Variants in CDYL2 observed in about 807,000 individuals in gnomAD.
The protein encoded by CDYL2 is chromodomain Y like 2, also known as chromodomain Y-like protein 2.
A neutral mutation model predicts 49.4 loss-of-function variants in CDYL2; 23 were observed. That is an observed-to-expected ratio of 0.47 (90% CI 0.34 to 0.66). The LOEUF (loss-of-function observed/expected upper bound fraction) is 0.66, where lower values mean the gene tolerates loss of function less well. Among genes scored for constraint, CDYL2 ranks in the 30% least tolerant of loss-of-function variants. CDYL2 has a pLI of 0.01. For missense variants in CDYL2, 678 were observed against 656.4 expected (o/e 1.03, Z -0.36); for synonymous variants, 360 against 268.8 (o/e 1.34, Z -3.32).
At chr16:80,623,862 A>G (rs1315698920) in intron 3 of CDYL2, among the ~76,000 whole-genome samples, 2 of 152,174 alleles carry the variant, frequency 1.3e-5, no homozygotes, top group African/African-American at 4.8e-5. Context: ...TCCACATGAT[A>G]GCAGTGTGGC....
intron 1 of CDYL2, among the ~76,000 whole-genome samples, chr16:80,725,410 A>C (rs1182374982): frequency 6.6e-6 from 1 of 152,158 alleles, no homozygotes; most frequent in Non-Finnish European, 1.5e-5. Flanking sequence ...GTGACGATCC[A>C]CTTCTACCCC....
intron 6 of CDYL2, among the ~76,000 whole-genome samples, 194 bp downstream of exon 6, chr16:80,607,898 G>C (rs887525046): frequency 6.6e-6 from 1 of 152,228 alleles, no homozygotes; most frequent in Non-Finnish European, 1.5e-5. Flanking sequence ...TGGACAATTT[G>C]TAATAATGCT....
chr16:80,670,521 G>A (rs1305771672), intron 2 of CDYL2, among the ~76,000 whole-genome samples: 2 of 152,064 alleles, frequency 1.3e-5, no homozygotes, highest in Non-Finnish European at 2.9e-5. Flanking sequence ...ACCCAGTCTC[G>A]GGTGTGTCTT....
chr16:80,704,468 A>G (rs542566095), intron 1 of CDYL2, among the ~76,000 whole-genome samples: 107 of 152,380 alleles, frequency 7.0e-4, no homozygotes, highest in Middle Eastern at 3.4e-3. Context: ...CATGAAGCAC[A>G]CAGTCCATGG....
intron 1 of CDYL2, among the ~76,000 whole-genome samples, chr16:80,699,532 T>C (rs1217367484): frequency 6.7e-6 from 1 of 148,566 alleles, no homozygotes; most frequent in African/African-American, 2.5e-5. Context: ...GAACAGAGGA[T>C]AGGGAGAGGT....
intron 1 of CDYL2, among the ~76,000 whole-genome samples, chr16:80,719,291 T>A (rs1048490166): frequency 1.3e-5 from 2 of 152,220 alleles, no homozygotes; most frequent in South Asian, 4.2e-4. Flanking sequence ...GGAGCAGGAA[T>A]CTGTGTGGGC....
intron 1 of CDYL2, among the ~76,000 whole-genome samples, chr16:80,746,891 GCTTCT>G (rs1369646808): frequency 1.3e-5 from 2 of 152,090 alleles, no homozygotes; most frequent in African/African-American, 4.8e-5. Flanking sequence ...CAGATTCCCA[GCTTCT>G]CTTCTCTTTA....
intron 1 of CDYL2, among the ~76,000 whole-genome samples, chr16:80,803,920 G>GA (rs1908010842): frequency 6.9e-6 from 1 of 144,472 alleles, no homozygotes. Flanking sequence ...GTGTGCGAGA[G>GA]AAAGAGAAAG....
At chr16:80,675,496 C>G (rs143596548) in intron 2 of CDYL2, among the ~76,000 whole-genome samples, 1 of 152,294 alleles carries the variant, frequency 6.6e-6, no homozygotes, top group East Asian at 1.9e-4. Flanking sequence ...ACCATCACCA[C>G]CACCACCACC....
At position 80,718,843 on chromosome 16, in the gene CDYL2, A is replaced by G. The variant is rs182164979; in HGVS notation, c.25-33714T>C. On this transcript the variant is annotated intron_variant, in intron 1 of 6. Transcript: ENST00000570137. The stretch of plus-strand genomic sequence containing the variant: ...AGTCCCTAAAAGAGGTACTGACAAG[A>G]GCAGGGGAGCGCCTGGGGTCTAGAG... Among the ~76,000 whole-genome samples the G allele has an allele frequency of 2.6e-4, 40 of 152,298 alleles. 1 individual carries two copies. Among genetic ancestry groups the G allele is most frequent in the African/African-American group, 4.8e-5 (2 of 41,574 alleles).
chr16:80,802,143 G>A (rs918218290), intron 1 of CDYL2, among the ~76,000 whole-genome samples: 6 of 152,140 alleles, frequency 3.9e-5, no homozygotes, highest in East Asian at 3.9e-4. Flanking sequence ...AATTACCAGC[G>A]TTAAGGAGGG....
chr16:80,721,347 AG>A (rs1208442235), intron 1 of CDYL2, among the ~76,000 whole-genome samples: 1 of 152,214 alleles, frequency 6.6e-6, no homozygotes, highest in Non-Finnish European at 1.5e-5. Flanking sequence ...GTTTGCCTGA[AG>A]TCATGTAGCA....
chr16:80,760,769 C>G (rs1167347018), intron 1 of CDYL2, among the ~76,000 whole-genome samples: 1 of 151,490 alleles, frequency 6.6e-6, no homozygotes, highest in African/African-American at 2.4e-5. Context: ...GGGGGCAGTC[C>G]ATCTAGAATG....
intron 1 of CDYL2, among the ~76,000 whole-genome samples, chr16:80,795,126 G>A (rs1383983543): frequency 6.6e-6 from 1 of 152,154 alleles, no homozygotes; most frequent in Admixed American, 6.5e-5. Flanking sequence ...TAGAAGACAA[G>A]GTAATGAAAA....
intron 2 of CDYL2, among the ~76,000 whole-genome samples, chr16:80,682,246 T>C (rs1387870659): frequency 3.3e-5 from 5 of 152,148 alleles, no homozygotes; most frequent in African/African-American, 1.2e-4. Flanking sequence ...GAGGCCAGCA[T>C]TGGCTCAAGT....
chr16:80,802,980 G>A (rs1017054028), intron 1 of CDYL2, among the ~76,000 whole-genome samples: 2 of 152,206 alleles, frequency 1.3e-5, no homozygotes, highest in African/African-American at 4.8e-5. Context: ...TATGTTCCGG[G>A]AAGTGCAGGT....
intron 1 of CDYL2, among the ~76,000 whole-genome samples, chr16:80,717,062 A>G (rs1904832960): frequency 6.6e-6 from 1 of 151,492 alleles, no homozygotes; most frequent in African/African-American, 2.4e-5. Flanking sequence ...GGATAGATGG[A>G]TGATTAAATG....
intron 2 of CDYL2, among the ~76,000 whole-genome samples, chr16:80,666,274 AT>A (rs1909258794): frequency 6.6e-6 from 1 of 152,208 alleles, no homozygotes; most frequent in Non-Finnish European, 1.5e-5. Context: ...AATGAGAGCA[AT>A]TTTAAAGGTG....
At chr16:80,733,408 T>C (rs549760140) in intron 1 of CDYL2, among the ~76,000 whole-genome samples, 5 of 152,344 alleles carry the variant, frequency 3.3e-5, no homozygotes, top group South Asian at 2.1e-4. Context: ...GCAACGGCTT[T>C]GCCCTATACT....
Sources: gnomAD v4.1 joint callset for allele counts (sites outside exome capture counted in the v4.1 genomes callset) on GRCh38, gnomAD v4.1.1 for gene constraint, MANE v1.5 for transcripts, NCBI Gene and HGNC (gene_info 2026-07-23, HGNC 2026-07-21) for gene names.